CEP44: variants seen among roughly 807,000 people sequenced by gnomAD.
The protein encoded by CEP44 is centrosomal protein 44.
A neutral mutation model predicts 46.7 loss-of-function variants in CEP44; 45 were observed. The observed-to-expected ratio is 0.96, with a 90% CI of 0.76 to 1.24. The LOEUF (loss-of-function observed/expected upper bound fraction) is 1.24. CEP44 is among the 50% of genes most tolerant of loss of function. The pLI, the probability that CEP44 is intolerant of heterozygous loss-of-function variation, is 0.00. For missense variants in CEP44, 475 were observed against 459.7 expected (o/e 1.03, Z -0.30); for synonymous variants, 142 against 146.0 (o/e 0.97, Z 0.20).
At position 174,287,709 on chromosome 4, in the gene CEP44, A is replaced by T. The variant is rs1476939526; in HGVS notation, c.-148+3766A>T. On this transcript the variant is annotated intron_variant, in intron 1 of 11. Coordinates refer to ENST00000503780, the MANE Select transcript of CEP44 (RefSeq NM_001040157.3). This position sits in a 1 kb window ranked among gnomAD's most constrained non-coding sequence, Gnocchi z 5.1. ...ACTTATTAATACACGAAGATCAAAA[A>T]GTGACCAAAATTGTTCAAAAGGTAC... 1.3e-5 allele frequency among the ~76,000 whole-genome samples: 2 copies of T among 152,248 alleles called. No homozygotes were observed. The highest frequency in any genetic ancestry group is 4.8e-5 in the African/African-American group (2 of 41,476).
rs886486911 is a variant in CEP44 at position 174,325,604 on chromosome 4, A to G, written c.1087-5878A>G. Reference sequence around the variant, plus strand: ...GAGGAGGTTGTGGCTTCAGTGAGCTATGAATATATCACTGCACTCCAGCCT... The same window carrying G: ...GAGGAGGTTGTGGCTTCAGTGAGCTGTGAATATATCACTGCACTCCAGCCT... On this transcript the variant is annotated intron_variant, in intron 8 of 8. Coordinates refer to the CEP44 transcript ENST00000426172. This position sits in a 1 kb window ranked among gnomAD's most constrained non-coding sequence, Gnocchi z 4.4. Among the ~76,000 whole-genome samples the G allele has an allele frequency of 1.3e-5, 2 of 152,238 alleles. No homozygotes were observed. Among genetic ancestry groups the G allele is most frequent in the Admixed American group, 6.5e-5 (1 of 15,270 alleles).
rs931404897 is a variant in CEP44, at chr4:174,297,625, G to A, written c.-147-341G>A. Among the ~76,000 whole-genome samples, 5 of 151,310 alleles carry A rather than the reference G, an allele frequency of 3.3e-5. No homozygotes were observed. In the East Asian group the frequency reaches 9.8e-4, roughly 30 times the overall value. On this transcript the variant is annotated intron_variant, in intron 1 of 11. Transcript: ENST00000503780. The surrounding 1 kb of genome is among the most constrained non-coding windows in gnomAD (Gnocchi z 4.3). ...GATGTAAGTCTAACAGCTTCTTGAGGCTGAGATATAGGAAGAAACTTTATT... is the reference window on the plus strand; with the variant it reads ...GATGTAAGTCTAACAGCTTCTTGAGACTGAGATATAGGAAGAAACTTTATT...
intron 4 of CEP44, among the ~76,000 whole-genome samples, chr4:174,302,866 C>T (rs1303830890): frequency 2.6e-5 from 4 of 151,478 alleles, no homozygotes; most frequent in East Asian, 3.9e-4. Flanking sequence ...CTGCAGTCTC[C>T]GCCTCCTGGG....
rs1737724236 is a variant in CEP44 at position 174,287,731 on chromosome 4, G to C, written c.-148+3788G>C. Among the ~76,000 whole-genome samples, 1 of 151,992 alleles carries C rather than the reference G, an allele frequency of 6.6e-6. No individual in the cohort carries two copies. The highest frequency in any genetic ancestry group is 1.5e-5 in the Non-Finnish European group (1 of 68,010). ...AAAAGTGACCAAAATTGTTCAAAAG[G>C]TACAATTTATTATAGGATAATTATA... On this transcript the variant is annotated intron_variant, in intron 1 of 11. Coordinates refer to ENST00000503780, the MANE Select transcript of CEP44 (RefSeq NM_001040157.3). This position sits in a 1 kb window ranked among gnomAD's most constrained non-coding sequence, Gnocchi z 5.1.
Position 174,326,466 on chromosome 4 carries a change from T to G in CEP44, c.1087-5016T>G, listed in dbSNP as rs557516989. ...AAGCCTTTTTTTGTCAAACATTGAC[T>G]TCTACATATGTTATAAACTGCAAAA... is the stretch of plus-strand genomic sequence containing the variant. On this transcript the variant is annotated intron_variant, in intron 8 of 8. Transcript: ENST00000426172. The surrounding 1 kb of genome is among the most constrained non-coding windows in gnomAD (Gnocchi z 4.8). Among the ~76,000 whole-genome samples the G allele has an allele frequency of 6.6e-6, 1 of 152,178 alleles. No homozygotes were observed. Among genetic ancestry groups the G allele is most frequent in the South Asian group, 2.1e-4 (1 of 4,832 alleles).
At chr4:174,308,310 G>A (rs13130276) in intron 6 of CEP44, among the ~76,000 whole-genome samples, 39,158 of 151,984 alleles carry the variant, frequency 0.26, 6,271 homozygotes, top group Non-Finnish European at 0.36. Context: ...AAAATAATGG[G>A]ATCATGTCCT....
chr4:174,294,963 G>T (rs1194325462), intron 1 of CEP44, among the ~76,000 whole-genome samples: 2 of 137,856 alleles, frequency 1.5e-5, no homozygotes, highest in African/African-American at 5.9e-5. Flanking sequence ...TGGACGGGAC[G>T]GCTGGCCGGG....
chr4:174,329,584 T>C lies in CEP44; in HGVS notation c.1087-1898T>C, dbSNP rs927340579. On this transcript the variant is annotated intron_variant, in intron 8 of 8. Coordinates refer to the CEP44 transcript ENST00000426172. The surrounding 1 kb of genome is among the most constrained non-coding windows in gnomAD (Gnocchi z 4.0). ...GATAATGTTCTCACACTTTATAGCT[T>C]GAAGAATGTACTTTACTCATGGGAA... Among the ~76,000 whole-genome samples the C allele has an allele frequency of 1.3e-5, 2 of 152,192 alleles. No homozygotes were observed. Among genetic ancestry groups the C allele is most frequent in the Non-Finnish European group, 2.9e-5 (2 of 68,028 alleles).
At chr4:174,322,474 A>G (rs1272284941), downstream of CEP44, among the ~76,000 whole-genome samples, 1 of 152,148 alleles carries the variant, frequency 6.6e-6, no homozygotes, top group Non-Finnish European at 1.5e-5. Flanking sequence ...AGAATAGTTT[A>G]GATTCCCTGT....
At chr4:174,295,012 G>A (rs545085142) in intron 1 of CEP44, among the ~76,000 whole-genome samples, 3 of 137,716 alleles carry the variant, frequency 2.2e-5, no homozygotes, top group Non-Finnish European at 3.1e-5. Flanking sequence ...CGGATGGGAC[G>A]GCTGGCCAGG....
At position 174,331,008 on chromosome 4, in the gene CEP44, T is replaced by C. The variant is rs2126708925; in HGVS notation, c.1087-474T>C. The stretch of plus-strand genomic sequence containing the variant: ...GATGATATGTATTATTATTTTAGGA[T>C]GTGCTTTCAGGATATGCAGTGGTTA... On this transcript the variant is annotated intron_variant, in intron 8 of 8. Transcript: ENST00000426172. This position sits in a 1 kb window ranked among gnomAD's most constrained non-coding sequence, Gnocchi z 4.5. Among the ~76,000 whole-genome samples, 1 of 152,334 alleles carries C rather than the reference T, an allele frequency of 6.6e-6. No homozygotes were observed. The highest frequency in any genetic ancestry group is 2.1e-4 in the South Asian group (1 of 4,830).
rs1741122034 is a variant in CEP44 at position 174,311,901 on chromosome 4, T to C, written c.961+1043T>C. Among the ~76,000 whole-genome samples, 1 of 152,218 alleles carries C rather than the reference T, an allele frequency of 6.6e-6. No individual in the cohort carries two copies. Among genetic ancestry groups the C allele is most frequent in the Non-Finnish European group, 1.5e-5 (1 of 68,030 alleles). ...GCTTGTTAAGTATAATTATTTGAGA[T>C]GCTATTTAAGGCAACTAAATTTATT... On this transcript the variant is annotated intron_variant, in intron 9 of 11. Coordinates refer to ENST00000503780, the MANE Select transcript of CEP44 (RefSeq NM_001040157.3). The surrounding 1 kb of genome is among the most constrained non-coding windows in gnomAD (Gnocchi z 4.4).
intron 1 of CEP44, among the ~76,000 whole-genome samples, chr4:174,296,797 T>C (rs1195239087): frequency 4.1e-5 from 6 of 146,580 alleles, no homozygotes; most frequent in African/African-American, 1.5e-4. Flanking sequence ...CTGCTGGATC[T>C]ATTTCTCATA....
In CEP44 at chr4:174,319,212, G is replaced by C; in HGVS notation, c.*1829G>C. The C allele has an allele frequency of 1.0e-6, 1 of 971,016 alleles. No individual in the cohort carries two copies. The highest frequency in any genetic ancestry group is 1.2e-6 in the Non-Finnish European group (1 of 816,848). 60.2% of individuals were successfully genotyped at this position (971,016 alleles called of 1,614,324 possible). On this transcript the variant is annotated 3_prime_UTR_variant, in exon 12 of 12. Transcript: ENST00000503780. ...AACAGAGTTTCAGTAAATATTTCCA[G>C]AATTAATGAAGCATGTTAGCTTTAA...
chr4:174,309,772 T>G lies in CEP44; in HGVS notation c.679-78T>G. The G allele has an allele frequency of 1.0e-6, 1 of 970,674 alleles. No individual in the cohort carries two copies. The highest frequency in any genetic ancestry group is 1.6e-6 in the Non-Finnish European group (1 of 643,904). The allele number at this position is 970,674 out of a possible 1,614,324, so 60.1% of individuals were successfully genotyped here. A position where few individuals can be genotyped will look rare whatever the true frequency, so the allele number is the denominator to read the frequency against. On this transcript the variant is annotated intron_variant, in intron 7 of 11. Transcript: ENST00000503780. This position sits in a 1 kb window ranked among gnomAD's most constrained non-coding sequence, Gnocchi z 5.3. ...TCTCTCCTAACTGTTGAGATAACGC[T>G]GTGGAAGTGAGAATACATTAATTTT...
At chr4:174,293,924 GT>G (rs1400128776) in intron 1 of CEP44, among the ~76,000 whole-genome samples, 1 of 151,574 alleles carries the variant, frequency 6.6e-6, no homozygotes, top group African/African-American at 2.4e-5. Context: ...TTAGCTGTTG[GT>G]TTTTTTTGTA....
chr4:174,308,897 T>G (rs746516710), intron 7 of CEP44, 38 bp downstream of exon 7: 2 of 1,567,580 alleles, frequency 1.3e-6, no homozygotes, highest in African/African-American at 2.7e-5. Flanking sequence ...TGCCAGTATT[T>G]TTTACTTAAA....
chr4:174,285,167 C>A (rs1287083278), intron 1 of CEP44, among the ~76,000 whole-genome samples: 1 of 151,964 alleles, frequency 6.6e-6, no homozygotes, highest in Admixed American at 6.6e-5. Flanking sequence ...CTCCTTTTTT[C>A]CTTAGTTTGC....
At position 174,317,538 on chromosome 4, in the gene CEP44, ACT is replaced by A. The variant is rs1057376839; in HGVS notation, c.*158_*159del. The A allele has an allele frequency of 4.2e-5, 50 of 1,188,524 alleles. No homozygotes were observed. The African/African-American group carries it at 5.6e-4, about 13-fold the overall frequency. The allele number at this position is 1,188,524 out of a possible 1,614,324, so 73.6% of individuals were successfully genotyped here. On this transcript the variant is annotated 3_prime_UTR_variant, in exon 12 of 12. Coordinates refer to ENST00000503780, the MANE Select transcript of CEP44 (RefSeq NM_001040157.3). ...GAATTTTTGCATTCATTATTGAATA[ACT>A]CTTTTAATATTTTTGAGCAATGATT...
Sources: gnomAD v4.1 joint callset for allele counts (sites outside exome capture counted in the v4.1 genomes callset) on GRCh38, gnomAD v4.1.1 for gene constraint, Gnocchi (gnomAD v3.1) non-coding constraint, MANE v1.5 for transcripts, NCBI Gene and HGNC (gene_info 2026-07-23, HGNC 2026-07-21) for gene names.